Variants in METAP1D observed in about 807,000 individuals in gnomAD.
The protein encoded by METAP1D is methionyl aminopeptidase type 1D, mitochondrial.
METAP1D carries 31 observed loss-of-function variants against 40.5 expected under a neutral mutation model. The observed-to-expected ratio is 0.77, with a 90% CI of 0.58 to 1.03. The LOEUF is 1.03. Among genes scored for constraint, METAP1D ranks in the 50% least tolerant of loss-of-function variants. The pLI is 0.00. For synonymous variants in METAP1D, 151 were observed against 146.4 expected, an observed-to-expected ratio of 1.03 and a Z score of -0.22; for missense variants, 411 against 420.7, an observed-to-expected ratio of 0.98 and a Z score of 0.20.
intron 1 of METAP1D, among the ~76,000 whole-genome samples, chr2:172,015,546 G>A (rs149103176): frequency 1.8e-3 from 270 of 152,334 alleles, no homozygotes; most frequent in African/African-American, 6.4e-3. Flanking sequence ...AAATGATTCA[G>A]TAAATTATGA....
intron 1 of METAP1D, among the ~76,000 whole-genome samples, chr2:172,000,828 C>T (rs1275796880): frequency 1.3e-5 from 2 of 152,098 alleles, no homozygotes; most frequent in Non-Finnish European, 2.9e-5. Context: ...AATGAGACCC[C>T]GTCTCTACAA....
rs187322179 is a variant in METAP1D, at chr2:172,036,274, G to A, written c.41-25224G>A. Among the ~76,000 whole-genome samples the A allele has an allele frequency of 6.5e-4, 96 of 146,624 alleles. 1 individual carries two copies. The highest frequency in any genetic ancestry group is 2.0e-3 in the African/African-American group (80 of 39,562). ...GGAGCTTGCAGAGAGCCGAGATCGC[G>A]CCATTGCACTCCAGCCTGGGCGACA... On this transcript the variant is annotated intron_variant, in intron 1 of 9. Coordinates refer to ENST00000315796, the MANE Select transcript of METAP1D (RefSeq NM_199227.3).
intron 4 of METAP1D, 45 bp downstream of exon 4, chr2:172,065,797 A>G: frequency 6.3e-7 from 1 of 1,581,926 alleles, no homozygotes. Context: ...AAACTAAAAC[A>G]TGAAGCTAAG....
intron 1 of METAP1D, among the ~76,000 whole-genome samples, chr2:172,042,949 A>G (rs150009293): frequency 7.8e-6 from 1 of 127,646 alleles, no homozygotes; most frequent in East Asian, 2.1e-4. Flanking sequence ...ACGTATGCGT[A>G]CCTGTGTATA....
intron 2 of METAP1D, among the ~76,000 whole-genome samples, chr2:172,062,592 G>T (rs994272640): frequency 6.6e-6 from 1 of 152,222 alleles, no homozygotes; most frequent in Admixed American, 6.5e-5. Flanking sequence ...AGATCACAGA[G>T]CAGAGTGGAG....
At position 172,016,275 on chromosome 2, in the gene METAP1D, C is replaced by CAAAAAAA. The variant is rs1172458646; in HGVS notation, c.40+16286_40+16292dup. On this transcript the variant is annotated intron_variant, in intron 1 of 9. Transcript: ENST00000315796. ...TGGGTGACAGAGTGAGACCCTGTCT[C>CAAAAAAA]AAAAAAAAAAAAAAAAAAAAAAAAA... 2.6e-3 allele frequency among the ~76,000 whole-genome samples: 25 copies of CAAAAAAA among 9,726 alleles called. 3 individuals carry two copies. The highest frequency in any genetic ancestry group is 3.3e-3 in the Non-Finnish European group (19 of 5,676). The allele number at this position is 9,726 out of a possible 152,430, so 6.4% of individuals were successfully genotyped here.
At position 172,016,101 on chromosome 2, in the gene METAP1D, AAAAAAAC is replaced by A. The variant is rs1365462058; in HGVS notation, c.40+16099_40+16105del. Among the ~76,000 whole-genome samples the A allele has an allele frequency of 7.5e-5, 11 of 147,376 alleles. No homozygotes were observed. In the East Asian group the frequency reaches 1.2e-3, roughly 16 times the overall value. On this transcript the variant is annotated intron_variant, in intron 1 of 9. Coordinates refer to ENST00000315796, the MANE Select transcript of METAP1D (RefSeq NM_199227.3). ...GTGAAACTCCGTCTCTATCAAAAAA[AAAAAAAC>A]AAAAAAAGAAAAAAAAAATTAGCTG...
chr2:172,055,851 C>T (rs373095258), intron 1 of METAP1D, among the ~76,000 whole-genome samples: 21 of 152,288 alleles, frequency 1.4e-4, no homozygotes, highest in African/African-American at 4.3e-4. Context: ...GTGTTCCTGA[C>T]GTTTCGAATT....
At chr2:172,047,439 CTT>C (rs34000564) in intron 1 of METAP1D, among the ~76,000 whole-genome samples, 11 of 147,594 alleles carry the variant, frequency 7.5e-5, no homozygotes, top group Non-Finnish European at 7.5e-5. Context: ...AGGCTGAATT[CTT>C]TTTTTTTTTT....
chr2:172,024,534 C>G (rs1689080500), intron 1 of METAP1D, among the ~76,000 whole-genome samples: 1 of 151,996 alleles, frequency 6.6e-6, no homozygotes, highest in Non-Finnish European at 1.5e-5. Context: ...GAACCCTAAC[C>G]ATGAAAAAAG....
chr2:172,025,111 G>A (rs1689095541), intron 1 of METAP1D, among the ~76,000 whole-genome samples: 1 of 152,152 alleles, frequency 6.6e-6, no homozygotes, highest in African/African-American at 2.4e-5. Context: ...CTTGGTGTGT[G>A]TAAACATAAT....
chr2:172,021,233 C>T (rs1688999898), intron 1 of METAP1D, among the ~76,000 whole-genome samples: 3 of 152,108 alleles, frequency 2.0e-5, no homozygotes. Flanking sequence ...TATGAGGAAG[C>T]ACAGGACTCC....
chr2:172,001,250 TG>T (rs1356292748), intron 1 of METAP1D, among the ~76,000 whole-genome samples: 1 of 151,770 alleles, frequency 6.6e-6, no homozygotes, highest in Non-Finnish European at 1.5e-5. Flanking sequence ...GTACAAAAAG[TG>T]AAGAGAGCCT....
At chr2:172,013,856 T>C (rs1019176232) in intron 1 of METAP1D, among the ~76,000 whole-genome samples, 1 of 151,398 alleles carries the variant, frequency 6.6e-6, no homozygotes, top group Non-Finnish European at 1.5e-5. Flanking sequence ...AGTCTTGCTC[T>C]GTCACCCAGG....
intron 1 of METAP1D, among the ~76,000 whole-genome samples, chr2:172,009,929 G>A (rs1374333223): frequency 1.3e-5 from 2 of 152,072 alleles, no homozygotes; most frequent in East Asian, 3.9e-4. Context: ...GGAAGGGAAG[G>A]GGCATCAAAG....
chr2:172,024,760 G>GTGTGTGTATA (rs1553491380), intron 1 of METAP1D, among the ~76,000 whole-genome samples: 1 of 140,002 alleles, frequency 7.1e-6, no homozygotes, highest in Non-Finnish European at 1.5e-5. Flanking sequence ...GTGTGTGTGT[G>GTGTGTGTATA]TGTGTGTGTG....
chr2:172,014,820 T>A (rs1428081865), intron 1 of METAP1D, among the ~76,000 whole-genome samples: 1 of 149,742 alleles, frequency 6.7e-6, no homozygotes, highest in Non-Finnish European at 1.5e-5. Flanking sequence ...ACCCGGCTAT[T>A]TTTTTTTAGT....
rs141761588 is a variant in METAP1D, at chr2:172,074,591, G to A, written c.705-3206G>A. Among the ~76,000 whole-genome samples the A allele has an allele frequency of 1.4e-4, 22 of 152,230 alleles. 1 individual carries two copies. Among genetic ancestry groups the A allele is most frequent in the African/African-American group, 5.3e-4 (22 of 41,564 alleles). ...TATTGTAAGAAAAATACAGTAATTT[G>A]TGATCTGGTTTGAAACAAAAAAAAT... On this transcript the variant is annotated intron_variant, in intron 6 of 9. Coordinates refer to ENST00000315796, the MANE Select transcript of METAP1D (RefSeq NM_199227.3).
intron 1 of METAP1D, among the ~76,000 whole-genome samples, chr2:172,053,435 A>G (rs1426043260): frequency 6.6e-6 from 1 of 152,238 alleles, no homozygotes; most frequent in Non-Finnish European, 1.5e-5. Context: ...AAGTTAATAT[A>G]TTATTAAGCA....
Sources: gnomAD v4.1 joint callset for allele counts (sites outside exome capture counted in the v4.1 genomes callset) on GRCh38, gnomAD v4.1.1 for gene constraint, MANE v1.5 for transcripts, NCBI Gene and HGNC (gene_info 2026-07-23, HGNC 2026-07-21) for gene names.